Variants in ITGAV observed in about 807,000 individuals in gnomAD.
ITGAV encodes the protein integrin alpha-V.
Under a neutral mutation model 143.8 loss-of-function variants are expected in ITGAV, and 76 were observed. The ratio of observed to expected loss-of-function variants is 0.53; its 90% CI spans 0.44 to 0.64. ITGAV has a LOEUF of 0.64. Among genes scored for constraint, ITGAV ranks in the 30% least tolerant of loss-of-function variants. ITGAV has a pLI of 0.00. For synonymous variants in ITGAV, 453 were observed against 446.7 expected, an observed-to-expected ratio of 1.01 and a Z score of -0.18; for missense variants, 1,193 against 1,274.7, an observed-to-expected ratio of 0.94 and a Z score of 0.98.
intron 1 of ITGAV, among the ~76,000 whole-genome samples, chr2:186,592,782 A>G (rs1359214424): frequency 6.6e-6 from 1 of 152,196 alleles, no homozygotes; most frequent in African/African-American, 2.4e-5. Context: ...ATATTTTGAA[A>G]TATTCATCAG....
intron 1 of ITGAV, among the ~76,000 whole-genome samples, chr2:186,599,649 C>T (rs1217287084): frequency 2.0e-5 from 3 of 152,274 alleles, no homozygotes; most frequent in South Asian, 2.1e-4. Flanking sequence ...GGACCACAGG[C>T]GCATGCCACC....
At chr2:186,654,103 C>T (rs1039832614) in intron 15 of ITGAV, among the ~76,000 whole-genome samples, 27 of 152,144 alleles carry the variant, frequency 1.8e-4, no homozygotes, top group Middle Eastern at 3.4e-3. Context: ...GAGACCAAGG[C>T]GGGCGAATCA....
At chr2:186,627,722 G>T (rs1687711026) in intron 4 of ITGAV, among the ~76,000 whole-genome samples, 1 of 152,130 alleles carries the variant, frequency 6.6e-6, no homozygotes, top group Non-Finnish European at 1.5e-5. Context: ...TGAGAGTTGA[G>T]TTGCCACACT....
rs529792953 is a variant in ITGAV, at chr2:186,608,625, T to C, written c.316+6474T>C. Among the ~76,000 whole-genome samples, 4 of 152,282 alleles carry C rather than the reference T, an allele frequency of 2.6e-5. No individual in the cohort carries two copies. The East Asian group carries it at 7.7e-4, about 29-fold the overall frequency. Reference sequence around the variant, plus strand: ...TTAAGCTGAATTTTTTGTTGATTTTTTTTTTCTTACTGATGTTATAGTATG... The same window carrying C: ...TTAAGCTGAATTTTTTGTTGATTTTCTTTTTCTTACTGATGTTATAGTATG... On this transcript the variant is annotated intron_variant, in intron 2 of 29. Coordinates refer to ENST00000261023, the MANE Select transcript of ITGAV (RefSeq NM_002210.5).
intron 20 of ITGAV, 110 bp downstream of exon 20, chr2:186,664,751 T>C: frequency 7.6e-7 from 1 of 1,309,448 alleles, no homozygotes; most frequent in Middle Eastern, 1.9e-4. Flanking sequence ...TACCTAAGGC[T>C]AAATTGATAG....
At chr2:186,595,066 A>G (rs1224513772) in intron 1 of ITGAV, among the ~76,000 whole-genome samples, 2 of 152,232 alleles carry the variant, frequency 1.3e-5, no homozygotes, top group Admixed American at 1.3e-4. Context: ...TGATTCAAAA[A>G]AGCATTTTTT....
intron 28 of ITGAV, 43 bp downstream of exon 28, chr2:186,675,970 C>A: frequency 6.8e-6 from 7 of 1,024,802 alleles, no homozygotes; most frequent in South Asian, 1.4e-5. Flanking sequence ...TTACTCAATT[C>A]AAATGCTGTA....
intron 12 of ITGAV, among the ~76,000 whole-genome samples, chr2:186,643,286 T>C (rs1456794356): frequency 6.6e-6 from 1 of 152,160 alleles, no homozygotes; most frequent in African/African-American, 2.4e-5. Flanking sequence ...CTTTAAAAAA[T>C]GTGAAGTTTT....
At chr2:186,641,635 A>C in intron 12 of ITGAV, 47 bp downstream of exon 12, 4 of 1,534,790 alleles carry the variant, frequency 2.6e-6, no homozygotes, top group Non-Finnish European at 3.6e-6. Context: ...ATCTGTGTCC[A>C]CCTGGAAAAG....
At chr2:186,600,156 C>T (rs1188102841) in intron 1 of ITGAV, 4 of 569,964 alleles carry the variant, frequency 7.0e-6, no homozygotes, top group African/African-American at 1.9e-5. Flanking sequence ...GGCTCCTTGA[C>T]CTTATCTTGT....
chr2:186,667,150 C>A lies in ITGAV; in HGVS notation c.2247C>A (p.Ser749Arg). ...TSVKFDLQIQ[S>R]SNLFDKVSPV... Reference sequence around the variant, plus strand: ...TTAAGTTTTTTTTTTTCTTTTTCAGCTCAAATCTATTTGACAAAGTAAGCC... The same window carrying A: ...TTAAGTTTTTTTTTTTCTTTTTCAGATCAAATCTATTTGACAAAGTAAGCC... Residue 749 changes from serine to arginine, a missense_variant and splice_region_variant, in exon 23 of 30, where the codon AGC becomes AGA. Ser to Arg is a moderately radical substitution (Grantham distance 110, BLOSUM62 -1). Coordinates refer to ENST00000261023, the MANE Select transcript of ITGAV (RefSeq NM_002210.5). The A allele has an allele frequency of 6.3e-7, 1 of 1,599,006 alleles. No individual in the cohort carries two copies. Among genetic ancestry groups the A allele is most frequent in the Non-Finnish European group, 8.5e-7 (1 of 1,172,994 alleles).
chr2:186,659,312 T>G (rs1264786118), intron 18 of ITGAV, 137 bp downstream of exon 18: 1 of 638,430 alleles, frequency 1.6e-6, no homozygotes, highest in Non-Finnish European at 2.3e-6. Context: ...AATCTGAATT[T>G]TCTATTTTTT....
At chr2:186,641,039 T>A in intron 11 of ITGAV, 72 bp downstream of exon 11, 18 of 1,170,364 alleles carry the variant, frequency 1.5e-5, no homozygotes, top group Non-Finnish European at 2.2e-5. Flanking sequence ...AAACTAAACA[T>A]TTTTTTCTTC....
chr2:186,657,211 A>C (rs1688615098), intron 17 of ITGAV, among the ~76,000 whole-genome samples: 1 of 152,124 alleles, frequency 6.6e-6, no homozygotes, highest in Non-Finnish European at 1.5e-5. Context: ...CCTGGGTGAG[A>C]CTCTATTTTA....
rs141845358 is a variant in ITGAV at position 186,654,912 on chromosome 2, T to C, written c.1564+204T>C. ...AATTCAAAAATAATACACTTATTTA[T>C]GGACATTATGAGCTAAATAGCCCAC... On this transcript the variant is annotated intron_variant, in intron 16 of 29. Transcript: ENST00000261023. Among the ~76,000 whole-genome samples the C allele has an allele frequency of 2.5e-3, 382 of 152,328 alleles. 3 individuals are homozygous for C. The highest frequency in any genetic ancestry group is 8.5e-3 in the African/African-American group (352 of 41,580).
At chr2:186,670,236 T>G (rs1199490723) in intron 26 of ITGAV, among the ~76,000 whole-genome samples, 1 of 152,202 alleles carries the variant, frequency 6.6e-6, no homozygotes, top group Non-Finnish European at 1.5e-5. Context: ...TTGTTTTTCT[T>G]TTTTCTTTTA....
intron 26 of ITGAV, among the ~76,000 whole-genome samples, chr2:186,673,497 G>A (rs1559070351): frequency 6.6e-6 from 1 of 152,010 alleles, no homozygotes; most frequent in East Asian, 1.9e-4. Context: ...AGGGAGTATT[G>A]CTATCTTAAC....
At chr2:186,650,237 G>T (rs892156402) in intron 14 of ITGAV, among the ~76,000 whole-genome samples, 2 of 151,940 alleles carry the variant, frequency 1.3e-5, no homozygotes, top group Non-Finnish European at 2.9e-5. Context: ...TGTTTTCTTT[G>T]GAGACAGAGT....
rs749663033 is a variant in ITGAV at position 186,638,254 on chromosome 2, A to ATTTG, written c.803-7_803-4dup. ...CCAGTGTTGTCCTAAAAAATGAATAATTTGTTTGTTTGTTTGTTTCAGACT... is the reference window on the plus strand; with the variant it reads ...CCAGTGTTGTCCTAAAAAATGAATAATTTGTTTGTTTGTTTGTTTGTTTCAGACT... On this transcript the variant is annotated intron_variant, in intron 8 of 29. Coordinates refer to ENST00000261023, the MANE Select transcript of ITGAV (RefSeq NM_002210.5). 217 of 1,610,768 alleles carry ATTTG rather than the reference A, an allele frequency of 1.3e-4. No individual in the cohort carries two copies. The highest frequency in any genetic ancestry group is 5.8e-4 in the Admixed American group (35 of 59,894).
Sources: gnomAD v4.1 joint callset for allele counts (sites outside exome capture counted in the v4.1 genomes callset) on GRCh38, gnomAD v4.1.1 for gene constraint, MANE v1.5 for transcripts, NCBI Gene and HGNC (gene_info 2026-07-23, HGNC 2026-07-21) for gene names.